TRANK1: variants seen among roughly 807,000 people sequenced by gnomAD.
TRANK1 encodes the protein TPR and ankyrin repeat-containing protein 1.
A neutral mutation model predicts 266.0 loss-of-function variants in TRANK1; 198 were observed. The observed-to-expected ratio is 0.74, with a 90% CI of 0.66 to 0.84. The LOEUF (loss-of-function observed/expected upper bound fraction) is 0.84, where lower values mean the gene tolerates loss of function less well. Among genes scored for constraint, TRANK1 ranks in the 40% least tolerant of loss-of-function variants. The pLI, the probability that TRANK1 is intolerant of heterozygous loss-of-function variation, is 0.00. For synonymous variants in TRANK1, 1,396 were observed against 1,384.1 expected, an observed-to-expected ratio of 1.01 and a Z score of -0.19; for missense variants, 3,326 against 3,634.6, an observed-to-expected ratio of 0.92 and a Z score of 2.18.
intron 1 of TRANK1, among the ~76,000 whole-genome samples, chr3:36,936,186 G>A (rs118036401): frequency 3.3e-5 from 5 of 152,038 alleles, no homozygotes; most frequent in African/African-American, 9.7e-5. Context: ...GCATTTGCAC[G>A]CACAAAAAAA....
intron 9 of TRANK1, among the ~76,000 whole-genome samples, chr3:36,871,425 T>C (rs1448819772): frequency 1.3e-5 from 2 of 152,182 alleles, no homozygotes; most frequent in Non-Finnish European, 2.9e-5. Flanking sequence ...AGCCATTCTC[T>C]ACCACTAACC....
chr3:36,890,246 A>G (rs552407388), intron 7 of TRANK1, among the ~76,000 whole-genome samples: 7 of 152,294 alleles, frequency 4.6e-5, no homozygotes, highest in Admixed American at 4.6e-4. Context: ...GGATTCTTAT[A>G]CATGTGACTG....
intron 2 of TRANK1, among the ~76,000 whole-genome samples, chr3:36,905,857 C>T (rs796380028): frequency 1.4e-4 from 22 of 152,252 alleles, no homozygotes; most frequent in East Asian, 1.2e-3. Context: ...CCTGCAAGTA[C>T]GCTGTAAATC....
intron 1 of TRANK1, among the ~76,000 whole-genome samples, chr3:36,938,470 G>C (rs1358407584): frequency 6.6e-6 from 1 of 151,924 alleles, no homozygotes; most frequent in East Asian, 1.9e-4. Flanking sequence ...ACCCACCTCA[G>C]CCTCCCAAAG....
At position 36,828,029 on chromosome 3, in the gene TRANK1, C is replaced by T. The variant is rs1434019385; in HGVS notation, c.*246G>A. 3 of 454,238 alleles carry T rather than the reference C, an allele frequency of 6.6e-6. No individual in the cohort carries two copies. The highest frequency in any genetic ancestry group is 5.9e-5 in the African/African-American group (3 of 50,622). 28.1% of individuals were successfully genotyped at this position (454,238 alleles called of 1,614,324 possible). ...ATTCCCTTCGACTACAACTTCTCTACCTGAATTTGTTTGTGGGGGAAACTA... is the reference window on the plus strand; with the variant it reads ...ATTCCCTTCGACTACAACTTCTCTATCTGAATTTGTTTGTGGGGGAAACTA... On this transcript the variant is annotated 3_prime_UTR_variant, in exon 24 of 24. Transcript: ENST00000645898.
chr3:36,857,271 C>T lies in TRANK1; in HGVS notation c.2451G>A (p.Trp817Ter). 1 of 1,611,048 alleles carries T rather than the reference C, an allele frequency of 6.2e-7. No homozygotes were observed. The highest frequency in any genetic ancestry group is 8.5e-7 in the Non-Finnish European group (1 of 1,178,446). Residue 817 changes from tryptophan to a stop codon, truncating the protein, a stop_gained, in exon 13 of 24, where the codon TGG becomes TGA. Transcript: ENST00000645898. LOFTEE classifies it high-confidence loss of function. The surrounding 1 kb of genome is among the most constrained non-coding windows in gnomAD (Gnocchi z 4.3). ...GKEGNDDQDD[W>*]STQEIEACLQ... Reference sequence around the variant, plus strand: ...GGCAGGCCTCAATCTCCTGCGTGCTCCAGTCATCCTGATCATCATTGCCCT... The same window carrying T: ...GGCAGGCCTCAATCTCCTGCGTGCTTCAGTCATCCTGATCATCATTGCCCT...
intron 2 of TRANK1, 87 bp downstream of exon 2, chr3:36,908,236 G>A (rs534975083): frequency 2.5e-6 from 3 of 1,214,898 alleles, no homozygotes; most frequent in African/African-American, 1.6e-5. Context: ...GAAACAGGGT[G>A]GAATGATAAG....
chr3:36,875,752 C>T (rs1169574745), intron 8 of TRANK1, among the ~76,000 whole-genome samples: 1 of 152,192 alleles, frequency 6.6e-6, no homozygotes, highest in Non-Finnish European at 1.5e-5. Context: ...TAATCCATCC[C>T]CTACCTACTT....
intron 1 of TRANK1, among the ~76,000 whole-genome samples, chr3:36,920,498 T>C (rs999312385): frequency 6.6e-6 from 1 of 152,122 alleles, no homozygotes; most frequent in African/African-American, 2.4e-5. Flanking sequence ...TTCTGGCCCC[T>C]GAAACTTAAA....
chr3:36,869,844 C>T (rs570443655), intron 9 of TRANK1, among the ~76,000 whole-genome samples: 3 of 152,228 alleles, frequency 2.0e-5, no homozygotes, highest in South Asian at 2.1e-4. Context: ...TCACATGTGA[C>T]GAGTGGCTAT....
Position 36,857,265 on chromosome 3 carries a change from C to A in TRANK1, c.2457G>T (p.Thr819=). Reference sequence around the variant, plus strand: ...CCTGGAGGCAGGCCTCAATCTCCTGCGTGCTCCAGTCATCCTGATCATCAT... The same window carrying A: ...CCTGGAGGCAGGCCTCAATCTCCTGAGTGCTCCAGTCATCCTGATCATCAT... ...EGNDDQDDWS[T]QEIEACLQDF... Residue 819 remains threonine (T), a synonymous_variant, in exon 13 of 24, where the codon ACG becomes ACT. Coordinates refer to ENST00000645898, the MANE Select transcript of TRANK1 (RefSeq NM_001329998.2). This position sits in a 1 kb window ranked among gnomAD's most constrained non-coding sequence, Gnocchi z 4.3. The A allele has an allele frequency of 1.9e-6, 3 of 1,610,790 alleles. No individual in the cohort carries two copies. Among genetic ancestry groups the A allele is most frequent in the Non-Finnish European group, 2.5e-6 (3 of 1,178,362 alleles).
At chr3:36,882,701 C>T (rs2079548459) in intron 8 of TRANK1, among the ~76,000 whole-genome samples, 1 of 152,028 alleles carries the variant, frequency 6.6e-6, no homozygotes, top group African/African-American at 2.4e-5. Flanking sequence ...AGTCAGAAGA[C>T]AACTGACAAA....
intron 12 of TRANK1, 62 bp from the exon 13 acceptor site, chr3:36,858,111 C>A: frequency 7.3e-7 from 1 of 1,372,212 alleles, no homozygotes; most frequent in East Asian, 2.5e-5. Flanking sequence ...ACAGCAGACC[C>A]TGGGGTTTGA....
At chr3:36,913,212 C>G (rs1463265803) in intron 1 of TRANK1, among the ~76,000 whole-genome samples, 4 of 152,016 alleles carry the variant, frequency 2.6e-5, no homozygotes, top group Admixed American at 2.6e-4. Context: ...CCACCATGCC[C>G]AGCTAACTTT....
chr3:36,855,919 C>T lies in TRANK1; in HGVS notation c.3803G>A (p.Gly1268Glu), dbSNP rs1343778412. Residue 1268 changes from glycine (G) to glutamate (E), a missense_variant, in exon 13 of 24, where the codon GGA becomes GAA. Gly to Glu is a moderately conservative substitution (Grantham distance 98). Transcript: ENST00000645898. ...TCCTATGATGGTTCTTTTCAAGCTTCCATCTTCGTTTCTCAGAAAAAATGG... is the reference window on the plus strand; with the variant it reads ...TCCTATGATGGTTCTTTTCAAGCTTTCATCTTCGTTTCTCAGAAAAAATGG... Reference protein sequence around the residue: ...PKPFFLRNEDGSLKRTIIGWS... With the variant: ...PKPFFLRNEDESLKRTIIGWS... 3 of 1,613,526 alleles carry T rather than the reference C, an allele frequency of 1.9e-6. No individual in the cohort carries two copies. Among genetic ancestry groups the T allele is most frequent in the Non-Finnish European group, 2.5e-6 (3 of 1,179,830 alleles).
At chr3:36,918,053 G>A (rs1181568898) in intron 1 of TRANK1, among the ~76,000 whole-genome samples, 1 of 152,136 alleles carries the variant, frequency 6.6e-6, no homozygotes, top group African/African-American at 2.4e-5. Flanking sequence ...TATACATACA[G>A]TGGAGTACTA....
chr3:36,831,613 C>A lies in TRANK1; in HGVS notation c.7970G>T (p.Gly2657Val), dbSNP rs754558390. 31 of 1,613,748 alleles carry A rather than the reference C, an allele frequency of 1.9e-5. No homozygotes were observed. The highest frequency in any genetic ancestry group is 2.7e-5 in the African/African-American group (2 of 74,914). Residue 2657 changes from glycine (G) to valine (V), a missense_variant, in exon 22 of 24, where the codon GGG becomes GTG. Gly to Val is a moderately radical substitution (Grantham distance 109). Coordinates refer to ENST00000645898, the MANE Select transcript of TRANK1 (RefSeq NM_001329998.2). The surrounding 1 kb of genome is among the most constrained non-coding windows in gnomAD (Gnocchi z 5.0). Reference sequence around the variant, plus strand: ...ATAATAGAGGCCACGGACTATGGACCCTTTGGTGTGCACAGGGTCCCACCG... The same window carrying A: ...ATAATAGAGGCCACGGACTATGGACACTTTGGTGTGCACAGGGTCCCACCG... ...DWRWDPVHTK[G>V]SIVRGLYYEE...
At chr3:36,884,802 A>G (rs1460486278) in intron 8 of TRANK1, among the ~76,000 whole-genome samples, 1 of 152,036 alleles carries the variant, frequency 6.6e-6, no homozygotes, top group African/African-American at 2.4e-5. Flanking sequence ...GCATGGTGGC[A>G]CACACCTGTA....
intron 17 of TRANK1, among the ~76,000 whole-genome samples, chr3:36,844,862 GC>G (rs916575997): frequency 6.6e-6 from 1 of 152,086 alleles, no homozygotes; most frequent in African/African-American, 2.4e-5. Flanking sequence ...CTCTCCAGCA[GC>G]CAAACTCTGC....
Sources: gnomAD v4.1 joint callset for allele counts (sites outside exome capture counted in the v4.1 genomes callset) on GRCh38, gnomAD v4.1.1 for gene constraint, Gnocchi (gnomAD v3.1) non-coding constraint, MANE v1.5 for transcripts, NCBI Gene and HGNC (gene_info 2026-07-23, HGNC 2026-07-21) for gene names.